PRR5: variants seen among roughly 807,000 people sequenced by gnomAD.
The protein encoded by PRR5 is proline rich 5, also known as proline-rich protein 5.
PRR5 carries 25 observed loss-of-function variants against 30.6 expected under a neutral mutation model. The observed-to-expected ratio is 0.82, with a 90% confidence interval of 0.60 to 1.14. The LOEUF (loss-of-function observed/expected upper bound fraction) is 1.14. Among genes scored for constraint, PRR5 ranks in the 50% most tolerant of loss-of-function variants. The pLI, the probability that PRR5 is intolerant of heterozygous loss-of-function variation, is 0.00. For missense variants in PRR5, 600 were observed against 547.1 expected, an observed-to-expected ratio of 1.10 and a Z score of -0.96; for synonymous variants, 286 against 247.1, an observed-to-expected ratio of 1.16 and a Z score of -1.48.
intron 1 of PRR5, chr22:44,679,236 A>G (rs117587153): frequency 0.014 from 2,005 of 144,640 alleles, 28 homozygotes; most frequent in South Asian, 0.035. Flanking sequence ...GGTGTCCCAC[A>G]AACACACAGA....
chr22:44,714,172 C>T (rs553292742), intron 1 of PRR5, among the ~76,000 whole-genome samples: 8 of 152,224 alleles, frequency 5.3e-5, no homozygotes, highest in East Asian at 1.9e-4. Context: ...TGGCTAGGGA[C>T]GCAGTGATGA....
At chr22:44,702,153 CCCCCCGGGGCGCCGA>C (rs1926386806), upstream of PRR5, 4 of 475,130 alleles carry the variant, frequency 8.4e-6, no homozygotes, top group Non-Finnish European at 1.1e-5. Flanking sequence ...CCCCGCCCCG[CCCCCCGGGGCGCCGA>C]GACCCGCCCC....
intron 1 of PRR5, among the ~76,000 whole-genome samples, chr22:44,687,589 C>T (rs1924863872): frequency 6.6e-6 from 1 of 151,998 alleles, no homozygotes; most frequent in Admixed American, 6.6e-5. Context: ...TTCTAGGCTA[C>T]ATTTTATTAA....
intron 4 of PRR5, chr22:44,729,980 A>T (rs747297668): frequency 1.4e-5 from 14 of 985,392 alleles, no homozygotes; most frequent in Non-Finnish European, 1.6e-5. Context: ...CGTCCGGGGC[A>T]TTCCTGCTGG....
chr22:44,735,222 G>T, intron 7 of PRR5, 60 bp downstream of exon 7: 1 of 1,532,886 alleles, frequency 6.5e-7, no homozygotes, highest in Non-Finnish European at 8.9e-7. Context: ...CATCCATTGT[G>T]AACAAATGGG....
chr22:44,689,841 GT>G (rs1449517104), intron 1 of PRR5, among the ~76,000 whole-genome samples: 2 of 152,178 alleles, frequency 1.3e-5, no homozygotes, highest in Non-Finnish European at 2.9e-5. Context: ...TAGAGATGGG[GT>G]TTCACCATGT....
chr22:44,702,710 C>G, intron 1 of PRR5, 102 bp downstream of exon 1: 5 of 1,219,248 alleles, frequency 4.1e-6, no homozygotes, highest in East Asian at 3.3e-5. Context: ...GGAACGCTGC[C>G]GAAGGCGGCG....
chr22:44,716,614 G>A (rs1459772665), intron 2 of PRR5, among the ~76,000 whole-genome samples: 1 of 152,218 alleles, frequency 6.6e-6, no homozygotes, highest in East Asian at 1.9e-4. Context: ...TTACAGGTGA[G>A]GAGACTGAGG....
chr22:44,709,683 C>T (rs1927848555), intron 1 of PRR5, among the ~76,000 whole-genome samples: 1 of 152,158 alleles, frequency 6.6e-6, no homozygotes, highest in South Asian at 2.1e-4. Flanking sequence ...GGAACCCCAT[C>T]TCTACTAAAA....
chr22:44,705,368 G>A (rs773600161), intron 1 of PRR5, among the ~76,000 whole-genome samples: 26 of 152,062 alleles, frequency 1.7e-4, no homozygotes, highest in Non-Finnish European at 2.8e-4. Flanking sequence ...CTCTTGTCCA[G>A]GCTGGAGTGC....
intron 1 of PRR5, among the ~76,000 whole-genome samples, chr22:44,692,265 GCTC>G (rs1569072110): frequency 1.6e-5 from 2 of 126,930 alleles, no homozygotes; most frequent in African/African-American, 6.1e-5. Flanking sequence ...TCCTCCCGGG[GCTC>G]CTCCTCCCAC....
chr22:44,702,205 G>T lies in PRR5; in HGVS notation c.-270G>T, dbSNP rs1926415195. ...GGGCCCGCCCCCGGGTCCGCCCCCG[G>T]CCTCCGTTTGCGCCGGGTCTGTGCT... On this transcript the variant is annotated 5_prime_UTR_variant, in exon 1 of 8. Transcript: ENST00000336985. 2 of 1,073,654 alleles carry T rather than the reference G, an allele frequency of 1.9e-6. No individual in the cohort carries two copies. Among genetic ancestry groups the T allele is most frequent in the African/African-American group, 1.7e-5 (1 of 58,748 alleles). The allele number at this position is 1,073,654 out of a possible 1,614,324, so 66.5% of individuals were successfully genotyped here. A position where few individuals can be genotyped will look rare whatever the true frequency, so the allele number is the denominator to read the frequency against.
At chr22:44,678,302 A>T (rs1467934673) in intron 1 of PRR5, among the ~76,000 whole-genome samples, 1 of 144,298 alleles carries the variant, frequency 6.9e-6, no homozygotes, top group Non-Finnish European at 1.5e-5. Context: ...GTCGTCCTTC[A>T]CCTGCTGGGC....
At chr22:44,729,314 G>A (rs1921471492) in intron 4 of PRR5, 1 of 978,282 alleles carries the variant, frequency 1.0e-6, no homozygotes, top group Admixed American at 6.1e-5. Flanking sequence ...TGGTTTGCAG[G>A]GCCTGCACAG....
rs765875767 is a variant in PRR5, at chr22:44,736,946, G to T, written c.866G>T (p.Cys289Phe). 7 of 1,605,584 alleles carry T rather than the reference G, an allele frequency of 4.4e-6. No individual in the cohort carries two copies. The East Asian group carries it at 1.6e-4, about 36-fold the overall frequency. ...RRHSVSEMTS[C>F]PEPQGFSDPP... is the part of the protein sequence containing the mutation. ...CACTCTGTGTCGGAGATGACGTCCT[G>T]CCCCGAGCCTCAGGGCTTCTCCGAC... The change falls in exon 8 of 8, where the codon TGC (cysteine) becomes TTC (phenylalanine). Residue 289 changes from cysteine to phenylalanine, a missense_variant. Coordinates refer to ENST00000336985, the MANE Select transcript of PRR5 (RefSeq NM_181333.4).
chr22:44,730,218 C>T lies in PRR5; in HGVS notation c.323-1512C>T, dbSNP rs1177099278. The T allele has an allele frequency of 6.1e-6, 6 of 985,216 alleles. No individual in the cohort carries two copies. In the South Asian group the frequency reaches 1.4e-4, roughly 23 times the overall value. 61.0% of individuals were successfully genotyped at this position (985,216 alleles called of 1,614,324 possible). ...AAGGCAAAGGTCCCTGTTCAGCCTC[C>T]GCATTCCCATGGAAACCTCAAAGCA... is the stretch of plus-strand genomic sequence containing the variant. On this transcript the variant is annotated intron_variant, in intron 4 of 7. Transcript: ENST00000336985.
At chr22:44,695,837 G>A (rs1925696272) in intron 1 of PRR5, among the ~76,000 whole-genome samples, 1 of 149,716 alleles carries the variant, frequency 6.7e-6, no homozygotes. Context: ...CTGACCTCAA[G>A]TGATCCACCC....
intron 1 of PRR5, among the ~76,000 whole-genome samples, chr22:44,684,683 C>T (rs527600851): frequency 5.1e-4 from 78 of 152,380 alleles, no homozygotes; most frequent in African/African-American, 1.9e-3. Context: ...CCCCAGCTCT[C>T]TGCCCAGGGC....
intron 1 of PRR5, among the ~76,000 whole-genome samples, chr22:44,686,337 G>T (rs1396667481): frequency 6.6e-6 from 1 of 151,898 alleles, no homozygotes; most frequent in African/African-American, 2.4e-5. Context: ...TGTTGTTGTT[G>T]TTGTTGTTGA....
Sources: allele counts gnomAD v4.1 joint callset (sites outside exome capture counted in the v4.1 genomes callset), GRCh38; gene constraint gnomAD v4.1.1; transcripts MANE v1.5; gene names NCBI Gene and HGNC (gene_info 2026-07-23, HGNC 2026-07-21).